ZFP64: variants seen among roughly 807,000 people sequenced by gnomAD.
ZFP64 encodes the protein zinc finger protein 64.
Under a neutral mutation model 51.6 loss-of-function variants are expected in ZFP64, and 14 were observed. The ratio of observed to expected loss-of-function variants is 0.27; its 90% CI spans 0.18 to 0.42. The LOEUF (loss-of-function observed/expected upper bound fraction) is 0.42. Among genes scored for constraint, ZFP64 ranks in the 10% least tolerant of loss-of-function variants. The pLI is 1.00. For synonymous variants in ZFP64, 375 were observed against 361.4 expected, an observed-to-expected ratio of 1.04 and a Z score of -0.43; for missense variants, 754 against 906.8, an observed-to-expected ratio of 0.83 and a Z score of 2.16.
chr20:52,152,815 G>A lies in ZFP64; in HGVS notation c.1377C>T (p.Thr459=), dbSNP rs772987952. 1.1e-5 allele frequency: 17 copies of A among 1,612,698 alleles called. No homozygotes were observed. Among genetic ancestry groups the A allele is most frequent in the African/African-American group, 8.0e-5 (6 of 74,914 alleles). The change falls in exon 6 of 6, where the codon ACC becomes ACT. Residue 459 remains threonine (T), a synonymous_variant. Coordinates refer to ENST00000216923, the MANE Select transcript of ZFP64 (RefSeq NM_018197.3). ...EYSESKNSDV[T]VLQFQIDPSK... ...TGGGGTCGATCTGAAACTGGAGAACGGTCACGTCCGAGTTCTTACTCTCAC... is the reference window on the plus strand; with the variant it reads ...TGGGGTCGATCTGAAACTGGAGAACAGTCACGTCCGAGTTCTTACTCTCAC...
In ZFP64 at chr20:52,153,358, C is replaced by T; in HGVS notation, c.834G>A (p.Met278Ile). 6.2e-7 allele frequency: 1 copy of T among 1,614,206 alleles called. No individual in the cohort carries two copies. The highest frequency in any genetic ancestry group is 8.5e-7 in the Non-Finnish European group (1 of 1,180,050). ...AAGGCTTCTCCCCCGAGTGCACCCG[C>T]ATGTGCCTTTTCAAGTCCGAGCTGA... is the stretch of plus-strand genomic sequence containing the variant. ...FKISSDLKRH[M>I]RVHSGEKPFK... is the part of the protein sequence containing the mutation. The change falls in exon 6 of 6, where the codon ATG (methionine) becomes ATA (isoleucine). Residue 278 changes from methionine (M) to isoleucine (I), a missense_variant. By Grantham distance (10) the Met-to-Ile change is conservative (BLOSUM62 1). Coordinates refer to ENST00000216923, the MANE Select transcript of ZFP64 (RefSeq NM_018197.3). The surrounding 1 kb of genome is among the most constrained non-coding windows in gnomAD (Gnocchi z 5.1).
chr20:52,177,755 G>A (rs530254917), intron 2 of ZFP64, among the ~76,000 whole-genome samples: 28 of 152,302 alleles, frequency 1.8e-4, no homozygotes, highest in East Asian at 5.8e-4. Context: ...AACAGAGGCC[G>A]GGCGTGGTTG....
At chr20:52,154,315 G>A (rs1600764258) in intron 5 of ZFP64, among the ~76,000 whole-genome samples, 2 of 152,232 alleles carry the variant, frequency 1.3e-5, no homozygotes, top group African/African-American at 4.8e-5. Flanking sequence ...GCCCTGTGGT[G>A]GGTGCTATTA....
Position 52,085,174 on chromosome 20 carries a change from G to T in ZFP64, c.1321C>A (p.Pro441Thr). ...ACGTCGCAGAACTCGCACTTGAAAG[G>T]CTTCTCCCCCGAGTGCACGATCATG... The change falls in exon 9 of 9, where the codon CCT becomes ACT. Residue 441 changes from proline (P) to threonine (T), a missense_variant. Physicochemically the swap from Pro to Thr is conservative, Grantham distance 38 (BLOSUM62 -1). Transcript: ENST00000361387. This position sits in a 1 kb window ranked among gnomAD's most constrained non-coding sequence, Gnocchi z 4.3. 6.2e-7 allele frequency: 1 copy of T among 1,614,224 alleles called. No individual in the cohort carries two copies. The highest frequency in any genetic ancestry group is 8.5e-7 in the Non-Finnish European group (1 of 1,180,040).
intron 5 of ZFP64, among the ~76,000 whole-genome samples, chr20:52,102,821 G>A (rs115521878): frequency 1.7e-3 from 260 of 152,268 alleles, no homozygotes; most frequent in African/African-American, 5.4e-3. Context: ...TAGCTTAGAT[G>A]AAGTTCTTTA....
At chr20:52,185,836 C>A (rs1288946043) in intron 2 of ZFP64, among the ~76,000 whole-genome samples, 4 of 152,142 alleles carry the variant, frequency 2.6e-5, no homozygotes, top group Non-Finnish European at 5.9e-5. Context: ...CCGCCTTAGC[C>A]TCCCAAAGTG....
At chr20:52,084,911 G>A (rs750005827) in exon 9 of ZFP64, 30 of 1,613,504 alleles carry the variant, frequency 1.9e-5, no homozygotes, top group Admixed American at 6.7e-5. Flanking sequence ...TGTCGAAGCT[G>A]CAGAAGTCAC....
At chr20:52,126,548 G>T (rs1335310096) in intron 5 of ZFP64, among the ~76,000 whole-genome samples, 1 of 152,180 alleles carries the variant, frequency 6.6e-6, no homozygotes, top group East Asian at 1.9e-4. Context: ...GCCCTATAAA[G>T]ATGACTGTTG....
chr20:52,142,145 TG>T (rs1240427768), intron 5 of ZFP64, among the ~76,000 whole-genome samples: 2 of 152,060 alleles, frequency 1.3e-5, no homozygotes, highest in Admixed American at 6.5e-5. Context: ...GGTTTGCGGA[TG>T]ACCTGAGGTC....
At chr20:52,116,260 C>T (rs573766707) in intron 5 of ZFP64, among the ~76,000 whole-genome samples, 17 of 151,806 alleles carry the variant, frequency 1.1e-4, no homozygotes, top group Non-Finnish European at 1.8e-4. Flanking sequence ...CTCAGCCTCC[C>T]GAGTAGCTGG....
Position 52,191,474 on chromosome 20 carries a change from C to G in ZFP64, c.46+117G>C, listed in dbSNP as rs1984365097. ...CGGTCCCCGAGACGCGGCTCCGAGCCGTCACCCCGATTTCGGGGCCCCGGG... is the reference window on the plus strand; with the variant it reads ...CGGTCCCCGAGACGCGGCTCCGAGCGGTCACCCCGATTTCGGGGCCCCGGG... On this transcript the variant is annotated intron_variant, in intron 1 of 5. Transcript: ENST00000216923. The surrounding 1 kb of genome is among the most constrained non-coding windows in gnomAD (Gnocchi z 4.3). The G allele has an allele frequency of 1.6e-6, 2 of 1,257,848 alleles. No individual in the cohort carries two copies. The highest frequency in any genetic ancestry group is 3.2e-5 in the African/African-American group (2 of 62,902). 77.9% of individuals were successfully genotyped at this position (1,257,848 alleles called of 1,614,324 possible). A position where few individuals can be genotyped will look rare whatever the true frequency, so the allele number is the denominator to read the frequency against.
chr20:52,169,443 A>G (rs1450870153), intron 2 of ZFP64, among the ~76,000 whole-genome samples: 3 of 152,154 alleles, frequency 2.0e-5, no homozygotes, highest in Non-Finnish European at 4.4e-5. Context: ...CCTGTGCTGG[A>G]AGGTGTTCAC....
chr20:52,103,731 G>GC (rs1187009795), intron 5 of ZFP64, among the ~76,000 whole-genome samples: 3 of 152,156 alleles, frequency 2.0e-5, no homozygotes, highest in South Asian at 2.1e-4. Context: ...CAAGAGCCCC[G>GC]CCCCTCGACC....
At chr20:52,129,763 A>G (rs1025756734) in intron 5 of ZFP64, among the ~76,000 whole-genome samples, 5 of 152,114 alleles carry the variant, frequency 3.3e-5, no homozygotes, top group Admixed American at 2.6e-4. Context: ...ATTAAAGCAC[A>G]TATGTGTTGT....
chr20:52,110,599 G>T, intron 5 of ZFP64: 1 of 757,456 alleles, frequency 1.3e-6, no homozygotes. Flanking sequence ...GGCCTAGCGG[G>T]CCTCCACGCC....
intron 5 of ZFP64, chr20:52,098,638 T>C: frequency 6.2e-7 from 1 of 1,611,104 alleles, no homozygotes; most frequent in South Asian, 1.1e-5. Flanking sequence ...ACCACCATGC[T>C]AAGTCTTAGA....
At chr20:52,163,380 A>C (rs1349653268) in intron 4 of ZFP64, among the ~76,000 whole-genome samples, 4 of 152,174 alleles carry the variant, frequency 2.6e-5, no homozygotes, top group Non-Finnish European at 5.9e-5. Context: ...AAAAACCAAA[A>C]CAAAACAAAA....
chr20:52,184,897 G>A (rs919822926), intron 2 of ZFP64, among the ~76,000 whole-genome samples: 2 of 152,128 alleles, frequency 1.3e-5, no homozygotes, highest in Admixed American at 1.3e-4. Flanking sequence ...CAAAGGGCTG[G>A]GATTACAGGT....
chr20:52,186,665 C>T (rs1983988252), intron 2 of ZFP64, among the ~76,000 whole-genome samples, 167 bp downstream of exon 2: 1 of 151,978 alleles, frequency 6.6e-6, no homozygotes, highest in African/African-American at 2.4e-5. Flanking sequence ...CCTAGCAGCT[C>T]CCAAACCTGG....
Sources: gnomAD v4.1 joint callset for allele counts (sites outside exome capture counted in the v4.1 genomes callset) on GRCh38, gnomAD v4.1.1 for gene constraint, Gnocchi (gnomAD v3.1) non-coding constraint, MANE v1.5 for transcripts, NCBI Gene and HGNC (gene_info 2026-07-23, HGNC 2026-07-21) for gene names.